MCCC1: variants seen among roughly 807,000 people sequenced by gnomAD.
The protein encoded by MCCC1 is methylcrotonoyl-CoA carboxylase subunit alpha, mitochondrial.
MCCC1 carries 64 observed loss-of-function variants against 83.8 expected under a neutral mutation model. That is an observed-to-expected ratio of 0.76 (90% confidence interval 0.62 to 0.94). The LOEUF is 0.94. MCCC1 is among the 40% of genes least tolerant of loss of function. MCCC1 has a pLI of 0.00. For synonymous variants in MCCC1, 322 were observed against 315.4 expected, an observed-to-expected ratio of 1.02 and a Z score of -0.22; for missense variants, 807 against 904.7, an observed-to-expected ratio of 0.89 and a Z score of 1.39.
chr3:183,057,418 C>T lies in MCCC1; in HGVS notation c.766G>A (p.Val256Ile), dbSNP rs1287993258. The T allele has an allele frequency of 8.7e-6, 14 of 1,601,916 alleles. No homozygotes were observed. Among genetic ancestry groups the T allele is most frequent in the Non-Finnish European group, 1.1e-5 (13 of 1,172,410 alleles). The change falls in exon 8 of 19, where the codon GTA becomes ATA. Residue 256 changes from valine to isoleucine, a missense_variant. Transcript: ENST00000265594. ...TGATCACCAAACACCTGGACTTCTACATGCCTATATAAAAGCAAACATGTA... is the reference window on the plus strand; with the variant it reads ...TGATCACCAAACACCTGGACTTCTATATGCCTATATAAAAGCAAACATGTA... ...IEKFVDTPRH[V>I]EVQVFGDHHG...
intron 17 of MCCC1, 42 bp downstream of exon 17, chr3:183,020,088 T>G (rs368532946): frequency 2.5e-5 from 37 of 1,488,782 alleles, no homozygotes; most frequent in Non-Finnish European, 2.3e-5. Flanking sequence ...AGCCACGTAT[T>G]AAAACTTACT....
intron 9 of MCCC1, among the ~76,000 whole-genome samples, chr3:183,051,159 G>T (rs915670314): frequency 1.3e-5 from 2 of 152,092 alleles, no homozygotes; most frequent in African/African-American, 4.8e-5. Flanking sequence ...CCAGTAGCAC[G>T]CTCCTTAGTA....
At chr3:183,016,045 C>T (rs943336837) in intron 18 of MCCC1, among the ~76,000 whole-genome samples, 2 of 151,580 alleles carry the variant, frequency 1.3e-5, no homozygotes, top group Non-Finnish European at 2.9e-5. Flanking sequence ...TCTCCCACCT[C>T]AGCCTCCCAA....
At chr3:183,081,530 G>C (rs1717492634) in intron 4 of MCCC1, among the ~76,000 whole-genome samples, 1 of 152,200 alleles carries the variant, frequency 6.6e-6, no homozygotes, top group Non-Finnish European at 1.5e-5. Flanking sequence ...GCAAAAATGA[G>C]AAGTGTCCTT....
intron 8 of MCCC1, among the ~76,000 whole-genome samples, chr3:183,055,177 G>A (rs1314712494): frequency 1.3e-5 from 2 of 151,794 alleles, no homozygotes; most frequent in African/African-American, 4.8e-5. Flanking sequence ...GCTGAGGCGG[G>A]TGGATCACGA....
At position 183,068,359 on chromosome 3, in the gene MCCC1, C is replaced by A. The variant is rs189767365; in HGVS notation, c.761+2640G>T. 2.0e-5 allele frequency among the ~76,000 whole-genome samples: 3 copies of A among 152,288 alleles called. No individual in the cohort carries two copies. In the East Asian group the frequency reaches 5.8e-4, roughly 29 times the overall value. On this transcript the variant is annotated intron_variant, in intron 7 of 18. Coordinates refer to ENST00000265594, the MANE Select transcript of MCCC1 (RefSeq NM_020166.5). ...AAAACCAAGATGGTAACAACAGTGA[C>A]CTCTGGTCGTCTTCACTGCTACACT...
chr3:183,056,353 G>GA (rs542680500), intron 8 of MCCC1, among the ~76,000 whole-genome samples: 2 of 151,676 alleles, frequency 1.3e-5, no homozygotes, highest in African/African-American at 2.4e-5. Context: ...AATATTTATT[G>GA]AAAAAAAATC....
At chr3:183,017,595 C>T (rs1711759894) in intron 17 of MCCC1, 2 of 494,102 alleles carry the variant, frequency 4.0e-6, no homozygotes, top group Non-Finnish European at 7.3e-6. Context: ...ATGCACTGGT[C>T]AAATCAGAGG....
chr3:183,093,750 C>T (rs1053656917), intron 2 of MCCC1, among the ~76,000 whole-genome samples: 5 of 151,972 alleles, frequency 3.3e-5, no homozygotes, highest in Non-Finnish European at 5.9e-5. Context: ...TGATGGATGA[C>T]ATATGTATGA....
chr3:183,033,965 T>G, intron 14 of MCCC1, 26 bp downstream of exon 14: 1 of 1,510,830 alleles, frequency 6.6e-7, no homozygotes, highest in Admixed American at 1.7e-5. Context: ...TGACTCACAT[T>G]TCTCTTTTAA....
intron 17 of MCCC1, chr3:183,017,659 G>A: frequency 2.9e-6 from 1 of 347,978 alleles, no homozygotes; most frequent in South Asian, 2.9e-5. Flanking sequence ...AAATGCACTG[G>A]TCAAATCAGA....
rs190004020 is a variant in MCCC1, at chr3:183,039,804, A to C, written c.1268-669T>G. 7.4e-3 allele frequency among the ~76,000 whole-genome samples: 1,123 copies of C among 152,192 alleles called. 10 individuals are homozygous for C. Among genetic ancestry groups the C allele is most frequent in the African/African-American group, 0.026 (1,078 of 41,534 alleles). On this transcript the variant is annotated intron_variant, in intron 11 of 18. Transcript: ENST00000265594. ...TCTTTGAACCCCAGAGTCCTCGTTG[A>C]TAAGATTAGAGGTGCCTACAGGTGG...
upstream of MCCC1, among the ~76,000 whole-genome samples, chr3:183,101,108 C>T (rs1168633575): frequency 6.6e-6 from 1 of 152,268 alleles, no homozygotes; most frequent in Admixed American, 6.5e-5. Flanking sequence ...CGCTCGATTT[C>T]TCGCCGGGCC....
chr3:183,094,483 G>C, intron 2 of MCCC1, 76 bp downstream of exon 2: 2 of 1,365,400 alleles, frequency 1.5e-6, no homozygotes, highest in Non-Finnish European at 2.1e-6. Context: ...CATATATTAA[G>C]GGATTAAACA....
chr3:183,091,042 G>T (rs1225658391), intron 3 of MCCC1: 1 of 456,640 alleles, frequency 2.2e-6, no homozygotes, highest in East Asian at 6.9e-5. Flanking sequence ...CTGCAAAAAG[G>T]TGGGTAGAGG....
intron 7 of MCCC1, among the ~76,000 whole-genome samples, chr3:183,063,109 G>A (rs957242809): frequency 9.2e-5 from 14 of 151,598 alleles, no homozygotes; most frequent in Non-Finnish European, 1.5e-5. Context: ...TCAGCCTCCC[G>A]AGTAGCTGGG....
intron 4 of MCCC1, 28 bp from the exon 5 acceptor site, chr3:183,072,515 T>G (rs1716773871): frequency 6.2e-7 from 1 of 1,611,718 alleles, no homozygotes; most frequent in Non-Finnish European, 8.5e-7. Context: ...AATAAAAAAT[T>G]TACTCATCAG....
chr3:183,114,936 T>A (rs1317024315), intron 1 of MCCC1, among the ~76,000 whole-genome samples: 1 of 152,188 alleles, frequency 6.6e-6, no homozygotes, highest in Non-Finnish European at 1.5e-5. Flanking sequence ...CTCCTTTGGA[T>A]GCCCCTCTAC....
At position 183,039,105 on chromosome 3, in the gene MCCC1, A is replaced by G; in HGVS notation, c.1298T>C (p.Met433Thr). The G allele has an allele frequency of 1.2e-6, 2 of 1,614,196 alleles. No individual in the cohort carries two copies. Among genetic ancestry groups the G allele is most frequent in the South Asian group, 1.1e-5 (1 of 91,092 alleles). Residue 433 changes from methionine to threonine, a missense_variant, in exon 12 of 19, where the codon ATG becomes ACG. Physicochemically the swap from Met to Thr is moderately conservative, Grantham distance 81. Transcript: ENST00000265594. ...GDEVSVHYDP[M>T]IAKLVVWAAD... ...TGCCCACACGACCAGCTTCGCAATC[A>G]TGGGGTCATAATGCACGGAAACTTC...
Sources: allele counts gnomAD v4.1 joint callset (sites outside exome capture counted in the v4.1 genomes callset), GRCh38; gene constraint gnomAD v4.1.1; transcripts MANE v1.5; gene names NCBI Gene and HGNC (gene_info 2026-07-23, HGNC 2026-07-21).